Variants in BRWD3 observed in about 807,000 individuals in gnomAD.
BRWD3 encodes bromodomain and WD repeat domain containing 3.
BRWD3 carries 10 observed loss-of-function variants against 149.7 expected under a neutral mutation model. The observed-to-expected ratio is 0.07, with a 90% CI of 0.04 to 0.11. The LOEUF is 0.11. BRWD3 is among the 10% of genes least tolerant of loss of function. The probability of loss-of-function intolerance (pLI) is 1.00; values close to 1 mark genes in which losing one functional copy is unlikely to be tolerated. For synonymous variants in BRWD3, 504 were observed against 456.7 expected (o/e 1.10, Z -1.32); for missense variants, 940 against 1,373.2 (o/e 0.68, Z 4.99).
At chrX:80,694,417 T>C (rs1238839351) in intron 27 of BRWD3, among the ~76,000 whole-genome samples, 1 of 111,185 alleles carries the variant, frequency 9.0e-6, no homozygotes, top group East Asian at 2.9e-4. Context: ...TACTGCCTAG[T>C]AGAGTTGTGA....
rs775117514 is a variant in BRWD3, at chrX:80,734,098, C to T, written c.1086+20G>A. On this transcript the variant is annotated intron_variant, in intron 11 of 40. Coordinates refer to ENST00000373275, the MANE Select transcript of BRWD3 (RefSeq NM_153252.5). ...CAAGGATGTTCAAAAATAAAGCAAC[C>T]GTTTCTGATTTTCTCTTACCGTATG... is the stretch of plus-strand genomic sequence containing the variant. The T allele has an allele frequency of 1.3e-4, 137 of 1,032,392 alleles. No individual in the cohort carries two copies. The highest frequency in any genetic ancestry group is 7.3e-4 in the East Asian group (24 of 32,802). The allele number at this position is 1,032,392 out of a possible 1,213,427, so 85.1% of individuals were successfully genotyped here.
Position 80,688,144 on chromosome X carries a change from G to C in BRWD3, c.3808-19C>G. 1 of 1,149,399 alleles carries C rather than the reference G, an allele frequency of 8.7e-7. No homozygotes were observed. The highest frequency in any genetic ancestry group is 1.2e-6 in the Non-Finnish European group (1 of 839,156). 94.7% of individuals were successfully genotyped at this position (1,149,399 alleles called of 1,213,427 possible). The stretch of plus-strand genomic sequence containing the variant: ...CTGTATCCTTAATTAAAAAGGAAGA[G>C]TGGGAAAAGACGTTAAGTTACATTC... On this transcript the variant is annotated intron_variant, in intron 33 of 40. Transcript: ENST00000373275.
At chrX:80,718,090 A>G (rs1189812308) in intron 18 of BRWD3, among the ~76,000 whole-genome samples, 1 of 111,954 alleles carries the variant, frequency 8.9e-6, no homozygotes, top group African/African-American at 3.2e-5. Context: ...GTACTAGTTC[A>G]GGAAGGAGCT....
chrX:80,784,557 G>T (rs931960161), intron 6 of BRWD3, among the ~76,000 whole-genome samples: 1 of 110,488 alleles, frequency 9.1e-6, no homozygotes, highest in African/African-American at 3.3e-5. Context: ...CCCACAAGAG[G>T]CCCTGGTGTG....
chrX:80,808,477 G>A, intron 4 of BRWD3, 62 bp downstream of exon 4: 1 of 946,853 alleles, frequency 1.1e-6, no homozygotes. Context: ...CGGGTTGGGG[G>A]TACAAGGTGG....
intron 6 of BRWD3, among the ~76,000 whole-genome samples, chrX:80,762,577 G>A (rs1317386945): frequency 9.1e-6 from 1 of 109,742 alleles, no homozygotes; most frequent in African/African-American, 3.3e-5. Flanking sequence ...GGGGGGTGGG[G>A]AAAGGAGAGG....
chrX:80,733,681 A>AGG, intron 11 of BRWD3, among the ~76,000 whole-genome samples, 185 bp from the exon 12 acceptor site: 1 of 110,464 alleles, frequency 9.1e-6, no homozygotes, highest in Non-Finnish European at 1.9e-5. Flanking sequence ...GAAACAAACC[A>AGG]GACATAGGGA....
chrX:80,746,205 T>TAA (rs201506003), intron 6 of BRWD3, among the ~76,000 whole-genome samples: 5 of 108,740 alleles, frequency 4.6e-5, no homozygotes, highest in Non-Finnish European at 9.6e-5. Flanking sequence ...GTAATACAAG[T>TAA]AAAAAAAAAC....
chrX:80,703,678 T>C, intron 23 of BRWD3, 85 bp from the exon 24 acceptor site: 1 of 658,861 alleles, frequency 1.5e-6, no homozygotes, highest in South Asian at 2.9e-5. Context: ...TGAAAAATAG[T>C]AGGTAGAGAA....
intron 4 of BRWD3, among the ~76,000 whole-genome samples, chrX:80,798,815 T>C (rs1411900319): frequency 9.0e-6 from 1 of 111,530 alleles, no homozygotes; most frequent in Non-Finnish European, 1.9e-5. Context: ...TCTATATTAT[T>C]CTATAAAACA....
rs955215080 is a variant in BRWD3, at chrX:80,744,327, AAAG to A, written c.592-77_592-75del. 24 of 784,263 alleles carry A rather than the reference AAAG, an allele frequency of 3.1e-5. No homozygotes were observed. In the African/African-American group the frequency reaches 3.7e-4, roughly 12 times the overall value. The allele number at this position is 784,263 out of a possible 1,213,427, so 64.6% of individuals were successfully genotyped here. A position where few individuals can be genotyped will look rare whatever the true frequency, so the allele number is the denominator to read the frequency against. The stretch of plus-strand genomic sequence containing the variant: ...ATACCCCCACCCAAAAAATAGCCAA[AAAG>A]AAGATTTTATTAAATTACTTCTAAG... On this transcript the variant is annotated intron_variant, in intron 7 of 40. Transcript: ENST00000373275.
chrX:80,788,025 A>G (rs964370175), intron 6 of BRWD3, among the ~76,000 whole-genome samples: 1 of 109,848 alleles, frequency 9.1e-6, no homozygotes, highest in South Asian at 3.9e-4. Context: ...CGGAGCTTGC[A>G]GTGAGCCGAG....
intron 18 of BRWD3, among the ~76,000 whole-genome samples, chrX:80,719,169 A>T (rs2147748029): frequency 9.0e-6 from 1 of 110,613 alleles, no homozygotes; most frequent in African/African-American, 3.3e-5. Flanking sequence ...TGAAAACTAT[A>T]TAGGTTGTTT....
chrX:80,757,667 C>T (rs2073758018), intron 6 of BRWD3, among the ~76,000 whole-genome samples: 2 of 112,044 alleles, frequency 1.8e-5, no homozygotes, highest in Non-Finnish European at 3.8e-5. Context: ...ATACTATAAG[C>T]TTCTAAATTG....
intron 6 of BRWD3, among the ~76,000 whole-genome samples, chrX:80,772,182 G>A (rs973259235): frequency 7.2e-5 from 8 of 111,688 alleles, no homozygotes; most frequent in East Asian, 2.8e-4. Context: ...TGTTTATTGC[G>A]GCACTATTCA....
chrX:80,734,295 G>A, intron 10 of BRWD3, 77 bp from the exon 11 acceptor site: 1 of 654,343 alleles, frequency 1.5e-6, no homozygotes, highest in Non-Finnish European at 2.5e-6. Flanking sequence ...TTAGTTGTAT[G>A]CTACCTTGCA....
At chrX:80,800,360 A>T (rs1267630607) in intron 4 of BRWD3, among the ~76,000 whole-genome samples, 3 of 106,406 alleles carry the variant, frequency 2.8e-5, no homozygotes, top group African/African-American at 1.0e-4. Flanking sequence ...GGCAAAAAAA[A>T]GTGAGATCCC....
chrX:80,723,919 C>A, intron 15 of BRWD3, 43 bp from the exon 16 acceptor site: 11 of 1,174,981 alleles, frequency 9.4e-6, no homozygotes, highest in Non-Finnish European at 1.3e-5. Context: ...GAGTAATTTT[C>A]AAATAATAGA....
At chrX:80,787,296 T>C (rs1023727384) in intron 6 of BRWD3, among the ~76,000 whole-genome samples, 27 of 111,637 alleles carry the variant, frequency 2.4e-4, no homozygotes, top group African/African-American at 8.5e-4. Flanking sequence ...TTCTAAAATG[T>C]CTCTATACAT....
Sources: allele counts gnomAD v4.1 joint callset (sites outside exome capture counted in the v4.1 genomes callset), GRCh38; gene constraint gnomAD v4.1.1; transcripts MANE v1.5; gene names NCBI Gene and HGNC (gene_info 2026-07-23, HGNC 2026-07-21).